The following MYH14 variants were observed in gnomAD, a reference collection of about 807,000 sequenced individuals.
MYH14 encodes myosin-14.
In MYH14, 123 loss-of-function variants were observed where a neutral mutation model predicts 255.5. The observed-to-expected ratio is 0.48, with a 90% CI of 0.42 to 0.56. MYH14 has a LOEUF of 0.56. Ranked by LOEUF, MYH14 falls within the 20% of genes least tolerant of loss-of-function variation. The probability of loss-of-function intolerance (pLI) is 0.00; values close to 1 mark genes in which losing one functional copy is unlikely to be tolerated. For synonymous variants in MYH14, 1,095 were observed against 1,161.2 expected, an observed-to-expected ratio of 0.94 and a Z score of 1.16; for missense variants, 2,423 against 2,802.3, an observed-to-expected ratio of 0.86 and a Z score of 3.06.
chr19:50,260,520 T>C, intron 19 of MYH14, 126 bp from the exon 20 acceptor site: 2 of 669,506 alleles, frequency 3.0e-6, no homozygotes, highest in Admixed American at 2.2e-5. Context: ...GTTTTGTGAC[T>C]GTCCTTGTTA....
chr19:50,226,796 G>T (rs2033128457), intron 7 of MYH14, 107 bp from the exon 8 acceptor site: 2 of 1,026,418 alleles, frequency 1.9e-6, no homozygotes, highest in Admixed American at 3.9e-5. Context: ...GAAGTGGGGG[G>T]GCAGCCGCAG....
intron 15 of MYH14, among the ~76,000 whole-genome samples, chr19:50,251,387 C>T (rs1013320784): frequency 6.6e-6 from 1 of 151,950 alleles, no homozygotes; most frequent in African/African-American, 2.4e-5. Context: ...GAAACAGTTT[C>T]GAGGGCTCTC....
intron 34 of MYH14, among the ~76,000 whole-genome samples, chr19:50,288,180 C>T (rs1396925813): frequency 1.3e-5 from 2 of 152,234 alleles, no homozygotes; most frequent in Non-Finnish European, 2.9e-5. Context: ...GCCACCCTCA[C>T]TAATGATGGG....
chr19:50,234,025 G>T (rs1201905825), intron 10 of MYH14, among the ~76,000 whole-genome samples: 1 of 151,770 alleles, frequency 6.6e-6, no homozygotes, highest in Non-Finnish European at 1.5e-5. Flanking sequence ...TCACTAAGTT[G>T]GCCAGGCTGG....
chr19:50,293,711 C>G lies in MYH14; in HGVS notation c.5469+24C>G. 1 of 1,538,438 alleles carries G rather than the reference C, an allele frequency of 6.5e-7. No individual in the cohort carries two copies. Among genetic ancestry groups the G allele is most frequent in the Non-Finnish European group, 8.8e-7 (1 of 1,141,552 alleles). On this transcript the variant is annotated intron_variant, in intron 39 of 42. Transcript: ENST00000642316. This position sits in a 1 kb window ranked among gnomAD's most constrained non-coding sequence, Gnocchi z 4.1. ...AGGTGAGCGTGATTGACCGCCCCCA[C>G]CAGCCTCAGTCCCCATTGACCTGGG...
At chr19:50,236,578 C>T (rs2033666175) in intron 10 of MYH14, among the ~76,000 whole-genome samples, 1 of 151,466 alleles carries the variant, frequency 6.6e-6, no homozygotes, top group African/African-American at 2.4e-5. Flanking sequence ...CGTGGTGGCA[C>T]ATGCCTGTAA....
At position 50,263,360 on chromosome 19, in the gene MYH14, G is replaced by C; in HGVS notation, c.2634G>C (p.Gln878His). The change falls in exon 22 of 43, where the codon CAG becomes CAC. Residue 878 changes from glutamine (Q) to histidine (H), a missense_variant. Coordinates refer to ENST00000642316, the MANE Select transcript of MYH14 (RefSeq NM_001145809.2). ...QQQQSALRVMQRNCAAYLKLR... is the reference protein window; with the variant it reads ...QQQQSALRVMHRNCAAYLKLR... ...AGCAGAGCGCCCTGAGGGTGATGCAGCGGAACTGCGCGGCCTACCTCAAGC... is the reference window on the plus strand; with the variant it reads ...AGCAGAGCGCCCTGAGGGTGATGCACCGGAACTGCGCGGCCTACCTCAAGC... The C allele has an allele frequency of 1.3e-6, 2 of 1,599,856 alleles. No individual in the cohort carries two copies. The highest frequency in any genetic ancestry group is 1.7e-6 in the Non-Finnish European group (2 of 1,173,452).
intron 19 of MYH14, 65 bp downstream of exon 19, chr19:50,259,330 C>T: frequency 1.3e-6 from 2 of 1,540,732 alleles, no homozygotes; most frequent in Non-Finnish European, 8.8e-7. Flanking sequence ...TGGAAGCCGA[C>T]ACACCTGCAT....
intron 3 of MYH14, among the ~76,000 whole-genome samples, chr19:50,220,881 A>G (rs2032785157): frequency 6.6e-6 from 1 of 152,192 alleles, no homozygotes; most frequent in Non-Finnish European, 1.5e-5. Context: ...TGCATATTAA[A>G]TGGGAGTATC....
In MYH14 at chr19:50,277,000, A is replaced by C; in HGVS notation, c.3825+99A>C. The C allele has an allele frequency of 1.0e-5, 9 of 866,042 alleles. No homozygotes were observed. Among genetic ancestry groups the C allele is most frequent in the South Asian group, 1.6e-5 (1 of 60,748 alleles). The allele number at this position is 866,042 out of a possible 1,614,324, so 53.6% of individuals were successfully genotyped here. A position where few individuals can be genotyped will look rare whatever the true frequency, so the allele number is the denominator to read the frequency against. ...CCGCTGGCTGGTTCTAGGCTAGCTC[A>C]TCTCCCTGGGCCCCTTTCCTCACGC... On this transcript the variant is annotated intron_variant, in intron 29 of 42. Transcript: ENST00000642316. This position sits in a 1 kb window ranked among gnomAD's most constrained non-coding sequence, Gnocchi z 4.3.
At chr19:50,285,104 C>A (rs2035852358) in intron 33 of MYH14, 1 of 151,846 alleles carries the variant, frequency 6.6e-6, no homozygotes, top group Non-Finnish European at 1.5e-5. Context: ...ACCATGTTGG[C>A]CAGGTGGTCT....
intron 17 of MYH14, among the ~76,000 whole-genome samples, chr19:50,256,938 G>A (rs1015168075): frequency 1.3e-5 from 2 of 152,202 alleles, no homozygotes; most frequent in Admixed American, 1.3e-4. Context: ...GCCTGCCAGA[G>A]TATCTATGCT....
At chr19:50,269,705 G>A (rs545324142) in intron 24 of MYH14, among the ~76,000 whole-genome samples, 1 of 152,140 alleles carries the variant, frequency 6.6e-6, no homozygotes, top group African/African-American at 2.4e-5. Context: ...GTGACCCCTG[G>A]GTGCCGTGGG....
At chr19:50,249,377 CT>C in intron 13 of MYH14, 2 of 614,964 alleles carry the variant, frequency 3.3e-6, no homozygotes, top group Non-Finnish European at 5.5e-6. Flanking sequence ...CTCTGTCCCC[CT>C]CTCTCTCTGG....
rs2036752178 is a variant in MYH14, at chr19:50,309,063, A to AG, written c.5848dup (p.Glu1950GlyfsTer15). On this transcript the variant is annotated frameshift_variant, in exon 42 of 43. Transcript: ENST00000642316. LOFTEE classifies it high-confidence loss of function. ...AAGCGGCAGCTGGAGGAGGCCGAGG[A>AG]GGAGGCATCCCGGGCTCAGGCCGGC... The AG allele has an allele frequency of 1.2e-6, 2 of 1,613,828 alleles. No individual in the cohort carries two copies. The highest frequency in any genetic ancestry group is 4.5e-5 in the East Asian group (2 of 44,868).
chr19:50,230,535 G>A lies in MYH14; in HGVS notation c.885G>A (p.Glu295=). ...ACTCGCTGTGTCCAGACCTGCTGGA[G>A]AAGTCGCGGGCCATCCGCCAGGCCA... ...VGANIETYLL[E]KSRAIRQAKD... The change falls in exon 9 of 43, where the codon GAG becomes GAA. Residue 295 remains glutamate, a synonymous_variant. Transcript: ENST00000642316. The surrounding 1 kb of genome is among the most constrained non-coding windows in gnomAD (Gnocchi z 4.7). The A allele has an allele frequency of 6.4e-7, 1 of 1,563,802 alleles. No individual in the cohort carries two copies. The highest frequency in any genetic ancestry group is 8.7e-7 in the Non-Finnish European group (1 of 1,154,608).
At chr19:50,284,249 A>G (rs1268315592) in intron 33 of MYH14, among the ~76,000 whole-genome samples, 1 of 152,126 alleles carries the variant, frequency 6.6e-6, no homozygotes, top group Non-Finnish European at 1.5e-5. Context: ...ATTTTGTCCA[A>G]TTTATCAATT....
chr19:50,296,162 A>G (rs4802687), intron 39 of MYH14, among the ~76,000 whole-genome samples: 101,955 of 151,834 alleles, frequency 0.67, 36,473 homozygotes, highest in East Asian at 0.99. Flanking sequence ...GTAGTTCTCA[A>G]TTTGACTTCA....
At chr19:50,309,290 G>T in intron 42 of MYH14, 113 bp downstream of exon 42, 7 of 1,086,972 alleles carry the variant, frequency 6.4e-6, no homozygotes, top group Non-Finnish European at 9.8e-6. Context: ...GATCCACGGG[G>T]GTGTGGGGCT....
Sources: allele counts gnomAD v4.1 joint callset (sites outside exome capture counted in the v4.1 genomes callset), GRCh38; gene constraint gnomAD v4.1.1; non-coding constraint Gnocchi (gnomAD v3.1); transcripts MANE v1.5; gene names NCBI Gene and HGNC (gene_info 2026-07-23, HGNC 2026-07-21).